WBP4: variants seen among roughly 807,000 people sequenced by gnomAD.
WBP4 encodes WW domain-binding protein 4.
WBP4 carries 37 observed loss-of-function variants against 55.4 expected under a neutral mutation model. The observed-to-expected ratio is 0.67, with a 90% CI of 0.51 to 0.88. WBP4 has a LOEUF of 0.88. Among genes scored for constraint, WBP4 ranks in the 40% least tolerant of loss-of-function variants. WBP4 has a pLI of 0.00. For synonymous variants in WBP4, 142 were observed against 140.2 expected, an observed-to-expected ratio of 1.01 and a Z score of -0.09; for missense variants, 398 against 420.8, an observed-to-expected ratio of 0.95 and a Z score of 0.47.
At chr13:41,075,934 AATAC>A (rs1413112902) in intron 7 of WBP4, 106 bp from the exon 8 acceptor site, 37 of 1,149,100 alleles carry the variant, frequency 3.2e-5, no homozygotes, top group African/African-American at 6.4e-5. Context: ...GATAGTATGA[AATAC>A]ATACAGTATT....
intron 2 of WBP4, among the ~76,000 whole-genome samples, chr13:41,063,207 G>A (rs1877784292): frequency 6.6e-6 from 1 of 152,162 alleles, no homozygotes. Flanking sequence ...TGTTAGGTAT[G>A]TTGTTAGTCT....
rs956432579 is a variant in WBP4, at chr13:41,068,646, G to A, written c.348G>A (p.Lys116=). 5.0e-6 allele frequency: 8 copies of A among 1,613,112 alleles called. No individual in the cohort carries two copies. Among genetic ancestry groups the A allele is most frequent in the South Asian group, 1.1e-5 (1 of 91,010 alleles). ...TSNQQKEKKE[K]KKRKKDPSKG... Reference sequence around the variant, plus strand: ...ATCAACAGAAAGAAAAGAAAGAAAAGAAGAAAAGAAAAAAAGATCCTTCAA... The same window carrying A: ...ATCAACAGAAAGAAAAGAAAGAAAAAAAGAAAAGAAAAAAAGATCCTTCAA... The change falls in exon 5 of 10, where the codon AAG becomes AAA. Residue 116 remains lysine (K), a synonymous_variant. Coordinates refer to ENST00000379487, the MANE Select transcript of WBP4 (RefSeq NM_007187.5).
Position 41,070,301 on chromosome 13 carries a change from G to A in WBP4, c.440-1226G>A, listed in dbSNP as rs1047676161. Among the ~76,000 whole-genome samples, 4 of 152,066 alleles carry A rather than the reference G, an allele frequency of 2.6e-5. No homozygotes were observed. The East Asian group carries it at 7.7e-4, about 29-fold the overall frequency. On this transcript the variant is annotated intron_variant, in intron 5 of 9. Transcript: ENST00000379487. ...CTAACATAGTGCCTAGCACAGTGTA[G>A]ACACTCTGTGTTTTGATTAAAGAAG... is the stretch of plus-strand genomic sequence containing the variant.
At chr13:41,061,780 T>G in intron 1 of WBP4, 105 bp downstream of exon 1, 1 of 1,560,110 alleles carries the variant, frequency 6.4e-7, no homozygotes, top group South Asian at 1.1e-5. Flanking sequence ...GCCGGGGGCG[T>G]GACAGACGCG....
intron 7 of WBP4, among the ~76,000 whole-genome samples, chr13:41,073,674 G>C (rs942166528): frequency 6.6e-6 from 1 of 152,034 alleles, no homozygotes; most frequent in Non-Finnish European, 1.5e-5. Context: ...CGGGCGTGGT[G>C]GTGGGCACCT....
intron 6 of WBP4, among the ~76,000 whole-genome samples, chr13:41,072,535 A>C (rs1878294019): frequency 6.6e-6 from 1 of 152,206 alleles, no homozygotes; most frequent in Non-Finnish European, 1.5e-5. Flanking sequence ...TCACTATTTC[A>C]ACAACAGCAC....
chr13:41,073,477 C>A (rs1327314714), intron 7 of WBP4, among the ~76,000 whole-genome samples: 1 of 151,056 alleles, frequency 6.6e-6, no homozygotes. Flanking sequence ...CGTGCCATTG[C>A]ACTCCAGCCT....
intron 1 of WBP4, 120 bp downstream of exon 1, chr13:41,061,795 T>G (rs986737109): frequency 2.6e-6 from 4 of 1,513,416 alleles, no homozygotes; most frequent in Non-Finnish European, 3.6e-6. Context: ...GACGCGTTCT[T>G]AACTCGCTCG....
At chr13:41,067,817 CTT>C (rs1335647345) in intron 4 of WBP4, among the ~76,000 whole-genome samples, 1 of 151,808 alleles carries the variant, frequency 6.6e-6, no homozygotes, top group African/African-American at 2.4e-5. Flanking sequence ...TTTCATTTGT[CTT>C]ATATATGTTT....
At chr13:41,063,608 T>C (rs1877811293) in intron 2 of WBP4, among the ~76,000 whole-genome samples, 15 of 152,284 alleles carry the variant, frequency 9.9e-5, no homozygotes, top group Admixed American at 9.2e-4. Context: ...TTCTTGGAGG[T>C]ACCTAGGCTG....
intron 7 of WBP4, among the ~76,000 whole-genome samples, chr13:41,074,324 G>A (rs139422603): frequency 2.2e-4 from 34 of 152,250 alleles, no homozygotes; most frequent in Non-Finnish European, 4.3e-4. Context: ...TTTAGGAGAG[G>A]CTTGTTTTTG....
At chr13:41,063,419 G>A (rs1877800356) in intron 2 of WBP4, among the ~76,000 whole-genome samples, 1 of 152,112 alleles carries the variant, frequency 6.6e-6, no homozygotes, top group Admixed American at 6.6e-5. Flanking sequence ...ACAATGCTGT[G>A]GATTTCTTCT....
At position 41,061,692 on chromosome 13, in the gene WBP4, G is replaced by C; in HGVS notation, c.2+17G>C. 1.9e-6 allele frequency: 3 copies of C among 1,613,996 alleles called. No individual in the cohort carries two copies. The highest frequency in any genetic ancestry group is 2.5e-6 in the Non-Finnish European group (3 of 1,180,018). On this transcript the variant is annotated intron_variant, in intron 1 of 9. Transcript: ENST00000379487. ...CGCAGTCATGTGAGTTGGGTCTCAGGCCCTGAACAACGAGGTGTTGTTTCT... is the reference window on the plus strand; with the variant it reads ...CGCAGTCATGTGAGTTGGGTCTCAGCCCCTGAACAACGAGGTGTTGTTTCT...
intron 5 of WBP4, among the ~76,000 whole-genome samples, chr13:41,069,464 C>T (rs778528114): frequency 6.6e-6 from 1 of 152,072 alleles, no homozygotes; most frequent in African/African-American, 2.4e-5. Context: ...AGATCAAAAC[C>T]ATCCTAGCTA....
chr13:41,073,553 G>A (rs1442422878), intron 7 of WBP4, among the ~76,000 whole-genome samples: 5 of 150,938 alleles, frequency 3.3e-5, no homozygotes, highest in East Asian at 2.0e-4. Context: ...GGTGGCTCAC[G>A]CCTGTAATCT....
At chr13:41,067,869 A>G (rs1878043722) in intron 4 of WBP4, among the ~76,000 whole-genome samples, 1 of 151,878 alleles carries the variant, frequency 6.6e-6, no homozygotes, top group Non-Finnish European at 1.5e-5. Flanking sequence ...CTTAATTTTT[A>G]TGTAGTCAAA....
intron 5 of WBP4, among the ~76,000 whole-genome samples, chr13:41,071,038 A>G (rs1878221088): frequency 6.6e-6 from 1 of 152,220 alleles, no homozygotes; most frequent in Non-Finnish European, 1.5e-5. Context: ...AAATTTACTT[A>G]TAAACTGTTA....
At chr13:41,078,780 TCG>T (rs1878620926) in intron 8 of WBP4, among the ~76,000 whole-genome samples, 2 of 151,746 alleles carry the variant, frequency 1.3e-5, no homozygotes, top group Non-Finnish European at 2.9e-5. Flanking sequence ...TGAGCTAAGA[TCG>T]TGCCGTTGCA....
At chr13:41,064,692 C>T (rs2138460129) in intron 2 of WBP4, among the ~76,000 whole-genome samples, 1 of 152,074 alleles carries the variant, frequency 6.6e-6, no homozygotes, top group Middle Eastern at 3.4e-3. Flanking sequence ...AGTCTTTTGG[C>T]TTCATGTCAC....
Sources: allele counts gnomAD v4.1 joint callset (sites outside exome capture counted in the v4.1 genomes callset), GRCh38; gene constraint gnomAD v4.1.1; transcripts MANE v1.5; gene names NCBI Gene and HGNC (gene_info 2026-07-23, HGNC 2026-07-21).